PPFIBP2: variants seen among roughly 807,000 people sequenced by gnomAD.
PPFIBP2 encodes liprin-beta-2.
Under a neutral mutation model 118.3 loss-of-function variants are expected in PPFIBP2, and 118 were observed. The observed-to-expected ratio is 1.00, with a 90% CI of 0.86 to 1.16. The LOEUF is 1.16. PPFIBP2 is among the 50% of genes most tolerant of loss of function. PPFIBP2 has a pLI of 0.00. For synonymous variants in PPFIBP2, 414 were observed against 397.4 expected (o/e 1.04, Z -0.50); for missense variants, 1,195 against 1,073.1 (o/e 1.11, Z -1.59).
At chr11:7,522,863 T>C (rs1474940329) in intron 1 of PPFIBP2, among the ~76,000 whole-genome samples, 7 of 152,200 alleles carry the variant, frequency 4.6e-5, no homozygotes, top group Non-Finnish European at 8.8e-5. Flanking sequence ...TGTATTAATT[T>C]TCTTCTGGGA....
In PPFIBP2 at chr11:7,651,850, T is replaced by G. The variant is rs1854068306; in HGVS notation, c.2436+6T>G. On this transcript the variant is annotated splice_donor_region_variant and intron_variant, in intron 23 of 23. Transcript: ENST00000299492. The stretch of plus-strand genomic sequence containing the variant: ...CCACCACAGCCAAAGTCCGGGTGAG[T>G]TGCAGAGCCTTTCTGGGTGGGCCCT... 2.5e-6 allele frequency: 4 copies of G among 1,604,046 alleles called. No individual in the cohort carries two copies. The highest frequency in any genetic ancestry group is 3.4e-6 in the Non-Finnish European group (4 of 1,172,352).
chr11:7,625,019 G>A (rs1849799685), intron 7 of PPFIBP2, among the ~76,000 whole-genome samples: 1 of 152,122 alleles, frequency 6.6e-6, no homozygotes, highest in Non-Finnish European at 1.5e-5. Flanking sequence ...CTAGTGTTGT[G>A]TGTGGATTTA....
chr11:7,581,611 A>C (rs1055597904), intron 3 of PPFIBP2, among the ~76,000 whole-genome samples: 2 of 151,914 alleles, frequency 1.3e-5, no homozygotes, highest in Non-Finnish European at 2.9e-5. Flanking sequence ...CTCACTCCAG[A>C]CACTGACTTG....
intron 1 of PPFIBP2, among the ~76,000 whole-genome samples, chr11:7,527,126 TCTGA>T (rs1333374336): frequency 6.6e-6 from 1 of 151,538 alleles, no homozygotes; most frequent in Non-Finnish European, 1.5e-5. Context: ...CCCTAGGAAG[TCTGA>T]CTGTCTGCAC....
intron 1 of PPFIBP2, among the ~76,000 whole-genome samples, chr11:7,541,021 TC>T (rs1851722649): frequency 6.6e-6 from 1 of 152,108 alleles, no homozygotes; most frequent in Admixed American, 6.5e-5. Flanking sequence ...GTAGGTTGAG[TC>T]CATATGATGA....
At chr11:7,643,082 C>T (rs1224068478) in intron 17 of PPFIBP2, among the ~76,000 whole-genome samples, 1 of 152,150 alleles carries the variant, frequency 6.6e-6, no homozygotes, top group African/African-American at 2.4e-5. Context: ...CTTTTAGAGG[C>T]TAGAGAATCT....
chr11:7,625,697 G>A (rs1849905477), intron 7 of PPFIBP2, 80 bp from the exon 8 acceptor site: 1 of 1,139,448 alleles, frequency 8.8e-7, no homozygotes, highest in Non-Finnish European at 1.3e-6. Context: ...GCCTGATGGG[G>A]TCTGGACTCT....
intron 3 of PPFIBP2, among the ~76,000 whole-genome samples, chr11:7,576,069 G>A (rs1381867815): frequency 6.6e-6 from 1 of 152,206 alleles, no homozygotes; most frequent in Non-Finnish European, 1.5e-5. Context: ...TCCCCTTTTG[G>A]GCCCTGCTTC....
chr11:7,585,620 A>C (rs1858018082), intron 3 of PPFIBP2, among the ~76,000 whole-genome samples: 1 of 152,184 alleles, frequency 6.6e-6, no homozygotes, highest in South Asian at 2.1e-4. Flanking sequence ...CATGCTGCCC[A>C]CCACAAATCT....
intron 3 of PPFIBP2, among the ~76,000 whole-genome samples, chr11:7,585,675 T>A (rs1033526045): frequency 2.0e-5 from 3 of 152,006 alleles, no homozygotes; most frequent in African/African-American, 7.3e-5. Flanking sequence ...TGTCTAGAGC[T>A]CCAAGGAGAG....
At chr11:7,625,553 T>C (rs916694192) in intron 7 of PPFIBP2, among the ~76,000 whole-genome samples, 1 of 152,168 alleles carries the variant, frequency 6.6e-6, no homozygotes, top group Admixed American at 6.5e-5. Context: ...AAGAAGCACA[T>C]TGATGGCCAG....
intron 12 of PPFIBP2, 129 bp from the exon 13 acceptor site, chr11:7,634,366 G>C: frequency 1.4e-6 from 1 of 707,956 alleles, no homozygotes; most frequent in Non-Finnish European, 2.5e-6. Context: ...TATTATGAGA[G>C]GGTATTTTTT....
At chr11:7,560,805 T>C (rs1854218914) in intron 2 of PPFIBP2, among the ~76,000 whole-genome samples, 1 of 152,226 alleles carries the variant, frequency 6.6e-6, no homozygotes, top group Non-Finnish European at 1.5e-5. Context: ...CCAACATTAA[T>C]TATCATTGCA....
At chr11:7,633,312 G>A (rs1851026430) in intron 12 of PPFIBP2, among the ~76,000 whole-genome samples, 1 of 152,138 alleles carries the variant, frequency 6.6e-6, no homozygotes, top group Non-Finnish European at 1.5e-5. Context: ...TTTGACAGTC[G>A]AAGCTTTCTA....
intron 5 of PPFIBP2, among the ~76,000 whole-genome samples, chr11:7,606,829 T>C (rs1847398978): frequency 6.9e-6 from 1 of 145,612 alleles, no homozygotes; most frequent in South Asian, 2.2e-4. Context: ...TATGAAACTT[T>C]AAAAAATCAC....
intron 11 of PPFIBP2, chr11:7,632,365 TG>T (rs1850880336): frequency 6.3e-6 from 1 of 158,572 alleles, no homozygotes; most frequent in Admixed American, 6.0e-5. Flanking sequence ...CTCCCAGATG[TG>T]GGGAGTGCTT....
chr11:7,577,007 C>T (rs929142627), intron 3 of PPFIBP2: 9 of 146,440 alleles, frequency 6.1e-5, no homozygotes, highest in African/African-American at 1.5e-4. Context: ...TCTCCCCAGT[C>T]CCAAATAAAC....
intron 3 of PPFIBP2, among the ~76,000 whole-genome samples, chr11:7,579,959 AAAC>A (rs1302419864): frequency 1.3e-5 from 2 of 152,082 alleles, no homozygotes; most frequent in Admixed American, 6.5e-5. Flanking sequence ...TTAAAAAAAA[AAAC>A]AAAAAAAACA....
chr11:7,641,778 C>A, intron 16 of PPFIBP2, 158 bp downstream of exon 16: 1 of 788,162 alleles, frequency 1.3e-6, no homozygotes, highest in Non-Finnish European at 2.0e-6. Flanking sequence ...TTTCCAGGGC[C>A]AAGAGAAGGA....
Sources: gnomAD v4.1 joint callset for allele counts (sites outside exome capture counted in the v4.1 genomes callset) on GRCh38, gnomAD v4.1.1 for gene constraint, MANE v1.5 for transcripts, NCBI Gene and HGNC (gene_info 2026-07-23, HGNC 2026-07-21) for gene names.